The following BAHCC1 variants were observed in gnomAD, a reference collection of about 807,000 sequenced individuals.
The protein encoded by BAHCC1 is BAH and coiled-coil domain-containing protein 1.
BAHCC1 carries 43 observed loss-of-function variants against 88.2 expected under a neutral mutation model. The observed-to-expected ratio is 0.49, with a 90% CI of 0.38 to 0.63. The LOEUF (loss-of-function observed/expected upper bound fraction) is 0.63, where lower values mean the gene tolerates loss of function less well. BAHCC1 is among the 20% of genes least tolerant of loss of function. The pLI is 0.00. For synonymous variants in BAHCC1, 1,510 were observed against 745.5 expected, an observed-to-expected ratio of 2.03 and a Z score of -16.71; for missense variants, 3,023 against 1,654.8, an observed-to-expected ratio of 1.83 and a Z score of -14.34.
At chr17:81,460,779 G>A (rs570421441) in intron 25 of BAHCC1, 73 bp downstream of exon 25, 28 of 773,994 alleles carry the variant, frequency 3.6e-5, no homozygotes, top group East Asian at 4.8e-5. Flanking sequence ...CAGGAGGCCC[G>A]TGGGGTAGGC....
At chr17:81,400,157 A>G (rs1555645815) in intron 2 of BAHCC1, among the ~76,000 whole-genome samples, 1 of 151,914 alleles carries the variant, frequency 6.6e-6, no homozygotes, top group African/African-American at 2.4e-5. Context: ...GCAGCCCCGG[A>G]GCCGGCTGAA....
At chr17:81,413,756 C>T (rs1331120096) in intron 2 of BAHCC1, among the ~76,000 whole-genome samples, 1 of 152,258 alleles carries the variant, frequency 6.6e-6, no homozygotes, top group Admixed American at 6.5e-5. Flanking sequence ...GTGCGTGACC[C>T]TGGCCTGTCA....
chr17:81,433,947 G>A lies in BAHCC1; in HGVS notation c.359-4423G>A, dbSNP rs113146062. 6.6e-3 allele frequency among the ~76,000 whole-genome samples: 999 copies of A among 152,342 alleles called. 8 individuals carry two copies. Among genetic ancestry groups the A allele is most frequent in the Non-Finnish European group, 0.011 (720 of 68,024 alleles). On this transcript the variant is annotated intron_variant, in intron 3 of 27. Transcript: ENST00000675386. ...CCGTGAAGAGCCAGTGCTGAGTTGC[G>A]GGCGGGTGGAGGCCAGGCTGAGCCT... is the stretch of plus-strand genomic sequence containing the variant.
chr17:81,402,457 T>TA lies in BAHCC1; in HGVS notation c.178+2543dup, dbSNP rs782531796. On this transcript the variant is annotated intron_variant, in intron 2 of 27. Transcript: ENST00000675386. ...TAGAGAGAAAAAAGCATAATTACGT[T>TA]AAACAATTTTTTTGCGTCTTGTGTG... The TA allele has an allele frequency of 3.3e-5, 5 of 152,374 alleles. No homozygotes were observed. In the East Asian group the frequency reaches 9.6e-4, roughly 29 times the overall value. The allele number at this position is 152,374 out of a possible 1,614,324, so 9.4% of individuals were successfully genotyped here.
In BAHCC1 at chr17:81,435,242, C is replaced by A. The variant is rs1308008315; in HGVS notation, c.359-3128C>A. On this transcript the variant is annotated intron_variant, in intron 3 of 27. Coordinates refer to ENST00000675386, the MANE Select transcript of BAHCC1 (RefSeq NM_001377448.1). This position sits in a 1 kb window ranked among gnomAD's most constrained non-coding sequence, Gnocchi z 4.4. ...GGGTCTGGGGGTGTGGCCATTGTGTCCCCCGCCCAGCCCACGCGTGGCCCC... is the reference window on the plus strand; with the variant it reads ...GGGTCTGGGGGTGTGGCCATTGTGTACCCCGCCCAGCCCACGCGTGGCCCC... 6.6e-6 allele frequency among the ~76,000 whole-genome samples: 1 copy of A among 152,102 alleles called. No individual in the cohort carries two copies. Among genetic ancestry groups the A allele is most frequent in the African/African-American group, 2.4e-5 (1 of 41,404 alleles).
chr17:81,415,339 T>A (rs1435518807), intron 2 of BAHCC1, among the ~76,000 whole-genome samples: 3 of 152,188 alleles, frequency 2.0e-5, no homozygotes, highest in Non-Finnish European at 4.4e-5. Flanking sequence ...AAGGGGGACC[T>A]TCGTTGTGAA....
rs1555654727 is a variant in BAHCC1, at chr17:81,447,250, C to T, written c.3378C>T (p.Ala1126=). The T allele has an allele frequency of 1.4e-6, 1 of 711,222 alleles. No individual in the cohort carries two copies. Among genetic ancestry groups the T allele is most frequent in the Non-Finnish European group, 2.6e-6 (1 of 388,454 alleles). 44.1% of individuals were successfully genotyped at this position (711,222 alleles called of 1,614,324 possible). ...EPGLLSGARE[A]TQDLAATPYP... is the part of the protein sequence containing the mutation. ...GGCTGCTCTCAGGGGCCAGGGAGGC[C>T]ACCCAGGACCTTGCCGCCACCCCCT... The change falls in exon 11 of 28, where the codon GCC becomes GCT. Residue 1126 remains alanine, a synonymous_variant. Coordinates refer to ENST00000675386, the MANE Select transcript of BAHCC1 (RefSeq NM_001377448.1).
rs1180055476 is a variant in BAHCC1, at chr17:81,435,979, G to A, written c.359-2391G>A. On this transcript the variant is annotated intron_variant, in intron 3 of 27. Coordinates refer to ENST00000675386, the MANE Select transcript of BAHCC1 (RefSeq NM_001377448.1). This position sits in a 1 kb window ranked among gnomAD's most constrained non-coding sequence, Gnocchi z 4.4. ...GTATGGTCTTATTGGGAAAAAGAAA[G>A]GGGCTTTCTGTCGCTGGGCTGGGAG... Among the ~76,000 whole-genome samples the A allele has an allele frequency of 2.0e-5, 3 of 152,278 alleles. No homozygotes were observed. The highest frequency in any genetic ancestry group is 2.9e-5 in the Non-Finnish European group (2 of 68,010).
rs532888119 is a variant in BAHCC1 at position 81,399,021 on chromosome 17, C to G, written c.-206-513C>G. On this transcript the variant is annotated intron_variant, in intron 1 of 27. Transcript: ENST00000675386. This position sits in a 1 kb window ranked among gnomAD's most constrained non-coding sequence, Gnocchi z 4.5. ...TCGGTTAAGCGGAATGCAGTAAAAG[C>G]TGGACCTCGGCATGAGGTGGGGAGA... The G allele has an allele frequency of 1.3e-5, 2 of 159,592 alleles. No homozygotes were observed. Among genetic ancestry groups the G allele is most frequent in the Admixed American group, 6.5e-5 (1 of 15,394 alleles). The allele number at this position is 159,592 out of a possible 1,614,324, so 9.9% of individuals were successfully genotyped here. A position where few individuals can be genotyped will look rare whatever the true frequency, so the allele number is the denominator to read the frequency against.
chr17:81,443,492 A>G lies in BAHCC1; in HGVS notation c.2143A>G (p.Thr715Ala). The G allele has an allele frequency of 1.4e-6, 1 of 710,404 alleles. No individual in the cohort carries two copies. The highest frequency in any genetic ancestry group is 2.6e-6 in the Non-Finnish European group (1 of 384,246). 44.0% of individuals were successfully genotyped at this position (710,404 alleles called of 1,614,324 possible). ...AGTGGCCTTGGCCCGGCAGAAGGAC[A>G]CAGTGAGCCGGTCTGAGGCAGCCTA... The part of the protein sequence containing the change: ...IAVALARQKD[T>A]VSRSEAAYGT... Residue 715 changes from threonine to alanine, a missense_variant, in exon 5 of 28, where the codon ACA becomes GCA. Coordinates refer to ENST00000675386, the MANE Select transcript of BAHCC1 (RefSeq NM_001377448.1).
chr17:81,439,812 T>C (rs28368315), intron 4 of BAHCC1, among the ~76,000 whole-genome samples: 8,791 of 152,132 alleles, frequency 0.058, 621 homozygotes, highest in African/African-American at 0.17. Context: ...CCTGTGCTCA[T>C]GAGTGGCCAT....
rs370135100 is a variant in BAHCC1, at chr17:81,460,652, G to A, written c.6148G>A (p.Gly2050Ser). The A allele has an allele frequency of 8.9e-5, 69 of 772,206 alleles. No homozygotes were observed. Among genetic ancestry groups the A allele is most frequent in the African/African-American group, 5.1e-4 (30 of 59,024 alleles). 47.8% of individuals were successfully genotyped at this position (772,206 alleles called of 1,614,324 possible). A position where few individuals can be genotyped will look rare whatever the true frequency, so the allele number is the denominator to read the frequency against. Residue 2050 changes from glycine (G) to serine (S), a missense_variant, in exon 25 of 28, where the codon GGC becomes AGC. Gly to Ser is a moderately conservative substitution (Grantham distance 56). Coordinates refer to ENST00000675386, the MANE Select transcript of BAHCC1 (RefSeq NM_001377448.1). ...CAGCCTGTCCCCCAAAGCACAGGACGGCCCCGAAGCTTTGAAGACACCTGG... is the reference window on the plus strand; with the variant it reads ...CAGCCTGTCCCCCAAAGCACAGGACAGCCCCGAAGCTTTGAAGACACCTGG... Reference protein sequence around the residue: ...TPSLSPKAQDGPEALKTPGKK... With the variant: ...TPSLSPKAQDSPEALKTPGKK...
chr17:81,422,838 G>C (rs1361862063), intron 2 of BAHCC1: 12 of 400,710 alleles, frequency 3.0e-5, no homozygotes, highest in African/African-American at 6.4e-5. Flanking sequence ...AGGAGGGTGT[G>C]GGGGTGGGAA....
rs782407452 is a variant in BAHCC1, at chr17:81,451,885, C to T, written c.4179+15C>T. On this transcript the variant is annotated intron_variant, in intron 12 of 27. Transcript: ENST00000675386. ...AGACCAAGCCTGTGAGTGGAGGTCCCAGTGCCCACGTCGCCCAGTGCGTTG... is the reference window on the plus strand; with the variant it reads ...AGACCAAGCCTGTGAGTGGAGGTCCTAGTGCCCACGTCGCCCAGTGCGTTG... 2.8e-6 allele frequency: 2 copies of T among 714,650 alleles called. No homozygotes were observed. Among genetic ancestry groups the T allele is most frequent in the Non-Finnish European group, 5.1e-6 (2 of 390,344 alleles). 44.3% of individuals were successfully genotyped at this position (714,650 alleles called of 1,614,324 possible). A position where few individuals can be genotyped will look rare whatever the true frequency, so the allele number is the denominator to read the frequency against.
chr17:81,438,267 C>T (rs1311106284), intron 3 of BAHCC1, 103 bp from the exon 4 acceptor site: 10 of 715,782 alleles, frequency 1.4e-5, no homozygotes, highest in Middle Eastern at 2.4e-4. Context: ...TGCGGGACAT[C>T]GCTCCTGGGC....
intron 3 of BAHCC1, among the ~76,000 whole-genome samples, chr17:81,429,116 C>T (rs1026247357): frequency 5.9e-5 from 9 of 152,332 alleles, no homozygotes; most frequent in African/African-American, 9.6e-5. Context: ...TCCCGCTGTC[C>T]GTGTCAGGTG....
chr17:81,425,637 GGTT>G (rs2064179196), intron 2 of BAHCC1, among the ~76,000 whole-genome samples: 1 of 151,386 alleles, frequency 6.6e-6, no homozygotes, highest in South Asian at 2.1e-4. Context: ...TGTGGTTGGT[GGTT>G]ATGTGGTTGG....
intron 13 of BAHCC1, 70 bp from the exon 14 acceptor site, chr17:81,452,653 C>T (rs1271971661): frequency 3.1e-6 from 2 of 640,136 alleles, no homozygotes; most frequent in Admixed American, 2.9e-5. Context: ...AGGCCAATGC[C>T]CTCGGCTGGA....
rs1426324090 is a variant in BAHCC1, at chr17:81,395,582, A to G, written c.-260A>G. 1.3e-5 allele frequency: 2 copies of G among 152,208 alleles called. No homozygotes were observed. Among genetic ancestry groups the G allele is most frequent in the Non-Finnish European group, 2.9e-5 (2 of 68,036 alleles). 9.4% of individuals were successfully genotyped at this position (152,208 alleles called of 1,614,324 possible). On this transcript the variant is annotated 5_prime_UTR_variant, in exon 1 of 28. Transcript: ENST00000675386. ...ACCAATAGGAATACAAAACAAAGTC[A>G]CATTTACTGATTTAATTGTATTGCA...
Sources: gnomAD v4.1 joint callset for allele counts (sites outside exome capture counted in the v4.1 genomes callset) on GRCh38, gnomAD v4.1.1 for gene constraint, Gnocchi (gnomAD v3.1) non-coding constraint, MANE v1.5 for transcripts, NCBI Gene and HGNC (gene_info 2026-07-23, HGNC 2026-07-21) for gene names.